CABLES1: variants seen among roughly 807,000 people sequenced by gnomAD.
CABLES1 encodes the protein CDK5 and ABL1 enzyme substrate 1.
Under a neutral mutation model 57.8 loss-of-function variants are expected in CABLES1, and 36 were observed. The observed-to-expected ratio is 0.62, with a 90% CI of 0.48 to 0.82. The LOEUF (loss-of-function observed/expected upper bound fraction) is 0.82. Ranked by LOEUF, CABLES1 falls within the 40% of genes least tolerant of loss-of-function variation. The pLI is 0.00. For missense variants in CABLES1, 767 were observed against 836.6 expected (o/e 0.92, Z 1.03); for synonymous variants, 374 against 363.0 (o/e 1.03, Z -0.35).
At chr18:23,185,990 A>C (rs1174749888) in intron 1 of CABLES1, among the ~76,000 whole-genome samples, 2 of 152,188 alleles carry the variant, frequency 1.3e-5, no homozygotes, top group African/African-American at 2.4e-5. Context: ...GGGGGCCACT[A>C]ATTTTATAGG....
At chr18:23,207,748 C>A (rs570060911) in intron 3 of CABLES1, among the ~76,000 whole-genome samples, 219 of 152,206 alleles carry the variant, frequency 1.4e-3, no homozygotes, top group Non-Finnish European at 2.7e-3. Flanking sequence ...AGAAATTTGC[C>A]ACTCCCTAGG....
chr18:23,167,272 C>T (rs2047049385), intron 1 of CABLES1, among the ~76,000 whole-genome samples: 1 of 151,902 alleles, frequency 6.6e-6, no homozygotes, highest in South Asian at 2.1e-4. Flanking sequence ...TGGATTTTTC[C>T]TCATGTGGCT....
chr18:23,219,785 G>A (rs2145061672), intron 4 of CABLES1, among the ~76,000 whole-genome samples: 1 of 152,358 alleles, frequency 6.6e-6, no homozygotes, highest in Admixed American at 6.5e-5. Context: ...TGATGCAGAA[G>A]CAGTAAGTTG....
At chr18:23,192,742 C>G (rs2047253611) in intron 2 of CABLES1, among the ~76,000 whole-genome samples, 1 of 152,182 alleles carries the variant, frequency 6.6e-6, no homozygotes, top group African/African-American at 2.4e-5. Context: ...CAAGAACCTT[C>G]TTTGCGTGTG....
At chr18:23,235,734 A>G (rs2047602188) in intron 5 of CABLES1, among the ~76,000 whole-genome samples, 161 bp from the exon 6 acceptor site, 1 of 152,220 alleles carries the variant, frequency 6.6e-6, no homozygotes, top group African/African-American at 2.4e-5. Flanking sequence ...GGCACCAATG[A>G]GTACCAAAAC....
chr18:23,256,639 C>G (rs1023477786), intron 9 of CABLES1, among the ~76,000 whole-genome samples: 6 of 152,060 alleles, frequency 3.9e-5, no homozygotes, highest in African/African-American at 1.4e-4. Context: ...CACCGCCACG[C>G]CCGGCTCATT....
At position 23,200,409 on chromosome 18, in the gene CABLES1, G is replaced by A. The variant is rs528445036; in HGVS notation, c.1010+5869G>A. Among the ~76,000 whole-genome samples the A allele has an allele frequency of 5.9e-5, 9 of 152,130 alleles. No homozygotes were observed. In the South Asian group the frequency reaches 1.7e-3, roughly 28 times the overall value. On this transcript the variant is annotated intron_variant, in intron 3 of 9. Transcript: ENST00000256925. ...CGAGTAGCTGGGACTACAGGCACCC[G>A]CCACCATGCCCAGCTAATTTTTTTA... is the stretch of plus-strand genomic sequence containing the variant.
intron 4 of CABLES1, among the ~76,000 whole-genome samples, chr18:23,223,406 C>T (rs530037956): frequency 1.4e-4 from 21 of 151,978 alleles, no homozygotes; most frequent in South Asian, 1.3e-3. Flanking sequence ...GATGAAACCC[C>T]GTCTCTACTA....
rs1387953996 is a variant in CABLES1, at chr18:23,258,744, C to A, written c.*1377C>A. On this transcript the variant is annotated 3_prime_UTR_variant, in exon 10 of 10. Transcript: ENST00000256925. ...TTGCGCACACTGATTCTAGTGAGGTCACAGATTCGGAGCTTCACACACCAG... is the reference window on the plus strand; with the variant it reads ...TTGCGCACACTGATTCTAGTGAGGTAACAGATTCGGAGCTTCACACACCAG... 6.6e-6 allele frequency: 1 copy of A among 152,186 alleles called. No individual in the cohort carries two copies. Among genetic ancestry groups the A allele is most frequent in the African/African-American group, 2.4e-5 (1 of 41,438 alleles). The allele number at this position is 152,186 out of a possible 1,614,324, so 9.4% of individuals were successfully genotyped here. A position where few individuals can be genotyped will look rare whatever the true frequency, so the allele number is the denominator to read the frequency against.
At chr18:23,191,680 A>G (rs2337030) in intron 2 of CABLES1, among the ~76,000 whole-genome samples, 2 of 152,174 alleles carry the variant, frequency 1.3e-5, no homozygotes, top group Non-Finnish European at 2.9e-5. Context: ...ATCTTTCATT[A>G]AATTAGTTTT....
At chr18:23,247,880 G>A (rs114669735) in intron 7 of CABLES1, among the ~76,000 whole-genome samples, 1,888 of 152,334 alleles carry the variant, frequency 0.012, 43 homozygotes, top group African/African-American at 0.043. Flanking sequence ...CCCCACTTAC[G>A]CGGGGCCAAG....
At chr18:23,137,996 T>A (rs978614840) in intron 1 of CABLES1, among the ~76,000 whole-genome samples, 2 of 152,210 alleles carry the variant, frequency 1.3e-5, no homozygotes, top group African/African-American at 4.8e-5. Flanking sequence ...GGGTGAGTCC[T>A]GCAAACTCAG....
At chr18:23,220,414 G>T (rs534142978) in intron 4 of CABLES1, among the ~76,000 whole-genome samples, 5 of 152,262 alleles carry the variant, frequency 3.3e-5, no homozygotes, top group African/African-American at 1.2e-4. Context: ...TGAGGCTAGG[G>T]GCTGAGAAAG....
At chr18:23,254,921 G>T (rs1598890180) in intron 9 of CABLES1, among the ~76,000 whole-genome samples, 2 of 152,212 alleles carry the variant, frequency 1.3e-5, no homozygotes, top group African/African-American at 4.8e-5. Flanking sequence ...CCATGCTGTG[G>T]GGGCTGTGTA....
At chr18:23,148,254 G>A (rs527821760) in intron 1 of CABLES1, among the ~76,000 whole-genome samples, 11 of 152,218 alleles carry the variant, frequency 7.2e-5, no homozygotes, top group African/African-American at 2.6e-4. Flanking sequence ...CTCCCAAAGT[G>A]CTGGGATTAC....
chr18:23,147,755 G>A (rs1370885624), intron 1 of CABLES1, among the ~76,000 whole-genome samples: 2 of 152,114 alleles, frequency 1.3e-5, no homozygotes, highest in Non-Finnish European at 2.9e-5. Context: ...GTTCATCCTT[G>A]TACCTTTAGA....
chr18:23,248,538 TA>T (rs1555671607), intron 7 of CABLES1, among the ~76,000 whole-genome samples: 26 of 93,600 alleles, frequency 2.8e-4, no homozygotes, highest in Admixed American at 8.3e-4. Flanking sequence ...TTTTTTTTTT[TA>T]AAAAAAGGCT....
intron 1 of CABLES1, among the ~76,000 whole-genome samples, chr18:23,187,690 A>G (rs1360048738): frequency 1.3e-5 from 2 of 152,026 alleles, no homozygotes; most frequent in Non-Finnish European, 2.9e-5. Context: ...CCTGGCCACA[A>G]GTATTTTTTT....
chr18:23,169,919 A>G (rs2047070489), intron 1 of CABLES1, among the ~76,000 whole-genome samples: 1 of 151,900 alleles, frequency 6.6e-6, no homozygotes, highest in Non-Finnish European at 1.5e-5. Flanking sequence ...GTGTGGGGTC[A>G]TGGGCAGCCG....
Sources: allele counts gnomAD v4.1 joint callset (sites outside exome capture counted in the v4.1 genomes callset), GRCh38; gene constraint gnomAD v4.1.1; transcripts MANE v1.5; gene names NCBI Gene and HGNC (gene_info 2026-07-23, HGNC 2026-07-21).